The following MDGA2 variants were observed in gnomAD, a reference collection of about 807,000 sequenced individuals.
MDGA2 encodes the protein MAM domain-containing glycosylphosphatidylinositol anchor protein 2.
MDGA2 carries 40 observed loss-of-function variants against 117.8 expected under a neutral mutation model. The observed-to-expected ratio is 0.34, with a 90% CI of 0.26 to 0.44. The LOEUF (loss-of-function observed/expected upper bound fraction) is 0.44, where lower values mean the gene tolerates loss of function less well. Ranked by LOEUF, MDGA2 falls within the 20% of genes least tolerant of loss-of-function variation. The pLI is 1.00. For missense variants in MDGA2, 1,123 were observed against 1,250.6 expected (o/e 0.90, Z 1.54); for synonymous variants, 452 against 439.0 (o/e 1.03, Z -0.37).
chr14:47,116,154 C>T (rs532229230), intron 5 of MDGA2, among the ~76,000 whole-genome samples: 1 of 151,916 alleles, frequency 6.6e-6, no homozygotes, highest in Non-Finnish European at 1.5e-5. Context: ...GAAAAACAAT[C>T]ACATTTACAA....
intron 1 of MDGA2, among the ~76,000 whole-genome samples, chr14:47,553,028 C>CT (rs1481018377): frequency 6.6e-6 from 1 of 152,226 alleles, no homozygotes; most frequent in Non-Finnish European, 1.5e-5. Context: ...CAGCCCTAAC[C>CT]TAAGGCAGGC....
intron 1 of MDGA2, among the ~76,000 whole-genome samples, chr14:47,499,247 A>G (rs1894347940): frequency 1.3e-5 from 2 of 152,102 alleles, no homozygotes; most frequent in South Asian, 4.1e-4. Flanking sequence ...TTAGACTGAG[A>G]TATCTTAAAT....
chr14:47,298,299 A>C (rs10483579), intron 2 of MDGA2, among the ~76,000 whole-genome samples: 1 of 152,166 alleles, frequency 6.6e-6, no homozygotes, highest in African/African-American at 2.4e-5. Flanking sequence ...GGATACATCA[A>C]TACTCTCAGG....
intron 1 of MDGA2, among the ~76,000 whole-genome samples, chr14:47,405,131 T>C (rs1023076047): frequency 6.6e-6 from 1 of 152,224 alleles, no homozygotes; most frequent in Non-Finnish European, 1.5e-5. Context: ...ATTATGCTTA[T>C]GTAAAAATGA....
intron 10 of MDGA2, among the ~76,000 whole-genome samples, chr14:46,908,167 C>A: frequency 6.6e-6 from 1 of 152,186 alleles, no homozygotes; most frequent in African/African-American, 2.4e-5. Flanking sequence ...TGGTATAAAC[C>A]TCTTTCAAAA....
intron 1 of MDGA2, among the ~76,000 whole-genome samples, chr14:47,369,280 C>T (rs1254264095): frequency 6.6e-6 from 1 of 151,248 alleles, no homozygotes; most frequent in East Asian, 1.9e-4. Flanking sequence ...TTTAATTCCA[C>T]TCCAAATTTT....
chr14:47,370,481 TTTTTTTTTTTTTTTTTTG>T (rs942852758), intron 1 of MDGA2, among the ~76,000 whole-genome samples: 3 of 64,804 alleles, frequency 4.6e-5, no homozygotes, highest in African/African-American at 1.4e-4. Flanking sequence ...TTTTTTTTTT[TTTTTTTTTTTTTTTTTTG>T]TGTGTGTGTG....
At chr14:47,513,955 A>G (rs1894697274) in intron 1 of MDGA2, among the ~76,000 whole-genome samples, 1 of 152,160 alleles carries the variant, frequency 6.6e-6, no homozygotes, top group Admixed American at 6.5e-5. Flanking sequence ...CAAAAGCTCA[A>G]CAAATCTTGT....
intron 10 of MDGA2, among the ~76,000 whole-genome samples, chr14:46,894,041 A>G (rs1284670315): frequency 6.6e-6 from 1 of 152,078 alleles, no homozygotes; most frequent in Non-Finnish European, 1.5e-5. Flanking sequence ...ATACTCAACT[A>G]AAGTATTTTT....
chr14:47,614,890 T>C (rs1352079187), intron 1 of MDGA2, among the ~76,000 whole-genome samples: 1 of 152,224 alleles, frequency 6.6e-6, no homozygotes, highest in Non-Finnish European at 1.5e-5. Context: ...TTTGGATTTT[T>C]AGAATATTGT....
chr14:47,146,742 A>T (rs2139212229), intron 3 of MDGA2, among the ~76,000 whole-genome samples: 1 of 152,298 alleles, frequency 6.6e-6, no homozygotes, highest in Middle Eastern at 3.4e-3. Context: ...TCAGGAACAA[A>T]ACAGAATTTG....
chr14:47,582,733 A>G lies in MDGA2; in HGVS notation c.280+91784T>C, dbSNP rs144136545. On this transcript the variant is annotated intron_variant, in intron 1 of 16. Transcript: ENST00000399232. ...GCTACATAACCATTATTCTACCCAG[A>G]TAAATCAATCAAAGGAAGCAGCAGT... is the stretch of plus-strand genomic sequence containing the variant. Among the ~76,000 whole-genome samples, 6 of 152,054 alleles carry G rather than the reference A, an allele frequency of 3.9e-5. No individual in the cohort carries two copies. The East Asian group carries it at 1.2e-3, about 29-fold the overall frequency.
chr14:47,041,811 CAGA>C (rs1889081308), intron 7 of MDGA2, among the ~76,000 whole-genome samples: 1 of 151,944 alleles, frequency 6.6e-6, no homozygotes, highest in Non-Finnish European at 1.5e-5. Flanking sequence ...TAAAAGAATG[CAGA>C]AGTTTAGTTC....
intron 10 of MDGA2, among the ~76,000 whole-genome samples, chr14:46,910,207 CT>C (rs57687012): frequency 0.036 from 5,547 of 152,004 alleles, 361 homozygotes; most frequent in African/African-American, 0.13. Flanking sequence ...TCATCCCTGC[CT>C]TTTTGCTCTC....
intron 8 of MDGA2, among the ~76,000 whole-genome samples, chr14:46,976,084 AT>A (rs1490440573): frequency 3.9e-5 from 6 of 152,246 alleles, no homozygotes; most frequent in African/African-American, 1.4e-4. Flanking sequence ...TTATTGTTTA[AT>A]ATATTGAGAG....
intron 8 of MDGA2, among the ~76,000 whole-genome samples, chr14:47,016,761 T>C (rs1566576095): frequency 6.6e-6 from 1 of 152,048 alleles, no homozygotes; most frequent in Non-Finnish European, 1.5e-5. Context: ...ATTGTAAATA[T>C]ATATTCATAA....
At chr14:47,543,943 A>G (rs975499375) in intron 1 of MDGA2, among the ~76,000 whole-genome samples, 1 of 152,182 alleles carries the variant, frequency 6.6e-6, no homozygotes, top group African/African-American at 2.4e-5. Flanking sequence ...TATTGCAAAA[A>G]ACCTGATTAA....
At chr14:47,030,408 G>A (rs754507218) in intron 8 of MDGA2, among the ~76,000 whole-genome samples, 40 of 151,858 alleles carry the variant, frequency 2.6e-4, no homozygotes, top group Non-Finnish European at 4.9e-4. Context: ...CAGCTACTTG[G>A]GAGGCTGAAG....
intron 9 of MDGA2, among the ~76,000 whole-genome samples, chr14:46,934,762 CAG>C (rs1884715180): frequency 6.6e-6 from 1 of 151,986 alleles, no homozygotes; most frequent in South Asian, 2.1e-4. Context: ...TGTAAGAACG[CAG>C]AAAGAACACA....
Sources: gnomAD v4.1 joint callset for allele counts (sites outside exome capture counted in the v4.1 genomes callset) on GRCh38, gnomAD v4.1.1 for gene constraint, MANE v1.5 for transcripts, NCBI Gene and HGNC (gene_info 2026-07-23, HGNC 2026-07-21) for gene names.